The following IL7 variants were observed in gnomAD, a reference collection of about 807,000 sequenced individuals.
The protein encoded by IL7 is interleukin 7, also known as interleukin-7.
In IL7, 3 loss-of-function variants were observed where a neutral mutation model predicts 21.6. That is an observed-to-expected ratio of 0.14 (90% CI 0.06 to 0.36). IL7 has a LOEUF of 0.36. Among genes scored for constraint, IL7 ranks in the 10% least tolerant of loss-of-function variants. The pLI is 1.00. For missense variants in IL7, 175 were observed against 200.2 expected (o/e 0.87, Z 0.76); for synonymous variants, 62 against 68.1 (o/e 0.91, Z 0.44).
At chr8:78,748,502 C>T (rs1193104569) in intron 2 of IL7, among the ~76,000 whole-genome samples, 2 of 152,126 alleles carry the variant, frequency 1.3e-5, no homozygotes, top group Non-Finnish European at 2.9e-5. Context: ...GTCAGATGCT[C>T]CTTAACTTAC....
At chr8:78,744,474 G>A (rs1369273827) in intron 2 of IL7, among the ~76,000 whole-genome samples, 2 of 152,258 alleles carry the variant, frequency 1.3e-5, no homozygotes, top group East Asian at 3.9e-4. Context: ...CAGTGAAGAT[G>A]GTGGCCTTCC....
chr8:78,728,735 G>C (rs531904422), downstream of IL7, among the ~76,000 whole-genome samples: 50 of 152,002 alleles, frequency 3.3e-4, no homozygotes, highest in African/African-American at 1.2e-3. Context: ...TCAGTACTTG[G>C]GGGGAGGAGA....
At chr8:78,715,448 A>G, downstream of IL7, 1 of 916,694 alleles carries the variant, frequency 1.1e-6, no homozygotes, top group Non-Finnish European at 1.6e-6. Flanking sequence ...TTTTTCTTTT[A>G]ATCTGGCTTT....
chr8:78,750,550 G>A (rs376821379), intron 2 of IL7, among the ~76,000 whole-genome samples: 9 of 152,194 alleles, frequency 5.9e-5, no homozygotes, highest in East Asian at 5.8e-4. Flanking sequence ...GAGGCCAGGC[G>A]TGGTGGCTCA....
chr8:78,702,996 A>G (rs1810656146), intron 3 of IL7, among the ~76,000 whole-genome samples: 1 of 152,104 alleles, frequency 6.6e-6, no homozygotes. Context: ...TCCTGGGTTC[A>G]AGCGATTCTC....
chr8:78,786,864 G>A (rs1392850893), intron 2 of IL7, among the ~76,000 whole-genome samples: 1 of 152,164 alleles, frequency 6.6e-6, no homozygotes, highest in African/African-American at 2.4e-5. Flanking sequence ...GGCATAAATA[G>A]AGGGTTGGGA....
intron 3 of IL7, among the ~76,000 whole-genome samples, chr8:78,709,719 TAAA>T (rs762270772): frequency 7.7e-6 from 1 of 130,482 alleles, no homozygotes; most frequent in Non-Finnish European, 1.7e-5. Context: ...GCTGATGAAC[TAAA>T]AAAAAAAAAA....
intron 3 of IL7, chr8:78,698,645 C>T (rs950928062): frequency 2.0e-5 from 12 of 586,776 alleles, no homozygotes; most frequent in African/African-American, 5.8e-5. Flanking sequence ...TTTTGCTGGT[C>T]AGGAGCACAC....
intron 2 of IL7, among the ~76,000 whole-genome samples, chr8:78,765,329 G>T (rs1255551774): frequency 1.3e-5 from 2 of 152,040 alleles, no homozygotes; most frequent in Non-Finnish European, 2.9e-5. Context: ...TGATTGATAA[G>T]CTGAGCTCCA....
chr8:78,714,280 G>A (rs1413928747), downstream of IL7, among the ~76,000 whole-genome samples: 1 of 152,034 alleles, frequency 6.6e-6, no homozygotes, highest in Non-Finnish European at 1.5e-5. Context: ...AGTTATGAAC[G>A]CTACCTATTT....
At chr8:78,688,621 A>G (rs543510289) in intron 3 of IL7, among the ~76,000 whole-genome samples, 1 of 152,282 alleles carries the variant, frequency 6.6e-6, no homozygotes, top group East Asian at 1.9e-4. Flanking sequence ...AATTTACAGT[A>G]TGCTTTGCAT....
intron 3 of IL7, among the ~76,000 whole-genome samples, chr8:78,689,028 A>T (rs1456257408): frequency 8.6e-6 from 1 of 115,784 alleles, no homozygotes; most frequent in Non-Finnish European, 1.9e-5. Context: ...GTCATGTACC[A>T]GCAGACTTTT....
rs772248450 is a variant in IL7 at position 78,798,117 on chromosome 8, G to T, written c.102C>A (p.Gly34=). 6.2e-7 allele frequency: 1 copy of T among 1,611,726 alleles called. No individual in the cohort carries two copies. Among genetic ancestry groups the T allele is most frequent in the Non-Finnish European group, 8.5e-7 (1 of 1,178,214 alleles). The change falls in exon 2 of 6, where the codon GGC becomes GGA. Residue 34 remains glycine (G), a synonymous_variant. Coordinates refer to ENST00000263851, the MANE Select transcript of IL7 (RefSeq NM_000880.4). ...CCATTAGAACACTCTCATATTGTTT[G>T]CCATCTTTACCTTCAATATCACAAT... ...SSDCDIEGKD[G]KQYESVLMVS... is the part of the protein sequence containing the mutation.
At chr8:78,764,821 A>G (rs540222679) in intron 2 of IL7, among the ~76,000 whole-genome samples, 22 of 152,238 alleles carry the variant, frequency 1.4e-4, no homozygotes, top group African/African-American at 5.1e-4. Flanking sequence ...GTAGAAATTG[A>G]CAAATTGGTT....
Position 78,791,973 on chromosome 8 carries a change from C to T in IL7, c.147+6099G>A, listed in dbSNP as rs536771727. Among the ~76,000 whole-genome samples, 58 of 152,142 alleles carry T rather than the reference C, an allele frequency of 3.8e-4. No individual in the cohort carries two copies. In the South Asian group the frequency reaches 0.011, roughly 29 times the overall value. On this transcript the variant is annotated intron_variant, in intron 2 of 5. Coordinates refer to ENST00000263851, the MANE Select transcript of IL7 (RefSeq NM_000880.4). ...AGTCAATCCATAAAATAAATATCAG[C>T]AATTTCATCAGTATAAATGATTTTA...
intron 2 of IL7, among the ~76,000 whole-genome samples, chr8:78,756,115 G>T (rs1812337693): frequency 6.6e-6 from 1 of 151,856 alleles, no homozygotes; most frequent in East Asian, 1.9e-4. Context: ...TCACTCTTTT[G>T]AAGTGATGTA....
At chr8:78,696,330 A>G (rs1810413644) in intron 3 of IL7, among the ~76,000 whole-genome samples, 1 of 152,150 alleles carries the variant, frequency 6.6e-6, no homozygotes, top group East Asian at 1.9e-4. Context: ...CACCGTGCCC[A>G]GCCCGTTAAA....
At chr8:78,796,386 A>G (rs1421123625) in intron 2 of IL7, among the ~76,000 whole-genome samples, 1 of 152,082 alleles carries the variant, frequency 6.6e-6, no homozygotes, top group African/African-American at 2.4e-5. Context: ...ATATGCTGAA[A>G]AGAACAAAGC....
At chr8:78,694,750 A>T (rs1810343899) in intron 3 of IL7, among the ~76,000 whole-genome samples, 1 of 152,158 alleles carries the variant, frequency 6.6e-6, no homozygotes, top group African/African-American at 2.4e-5. Flanking sequence ...ATTAGTCATT[A>T]GTCTTTGTAT....
Sources: gnomAD v4.1 joint callset for allele counts (sites outside exome capture counted in the v4.1 genomes callset) on GRCh38, gnomAD v4.1.1 for gene constraint, MANE v1.5 for transcripts, NCBI Gene and HGNC (gene_info 2026-07-23, HGNC 2026-07-21) for gene names.